The following MATN2 variants were observed in gnomAD, a reference collection of about 807,000 sequenced individuals.
The protein encoded by MATN2 is matrilin-2.
A neutral mutation model predicts 103.2 loss-of-function variants in MATN2; 69 were observed. That is an observed-to-expected ratio of 0.67 (90% confidence interval 0.55 to 0.82). The LOEUF is 0.82. Ranked by LOEUF, MATN2 falls within the 40% of genes least tolerant of loss-of-function variation. MATN2 has a pLI of 0.00. For synonymous variants in MATN2, 429 were observed against 450.2 expected, an observed-to-expected ratio of 0.95 and a Z score of 0.60; for missense variants, 1,023 against 1,211.5, an observed-to-expected ratio of 0.84 and a Z score of 2.31.
intron 2 of MATN2, among the ~76,000 whole-genome samples, chr8:97,904,255 G>C (rs1351113669): frequency 6.6e-6 from 1 of 152,160 alleles, no homozygotes; most frequent in Non-Finnish European, 1.5e-5. Context: ...AAATATGTTT[G>C]AAACTAATTT....
intron 3 of MATN2, among the ~76,000 whole-genome samples, chr8:97,940,734 G>A (rs1810524195): frequency 6.6e-6 from 1 of 152,114 alleles, no homozygotes; most frequent in Non-Finnish European, 1.5e-5. Context: ...ACTGTTGCTT[G>A]TTAATTTTAA....
intron 4 of MATN2, chr8:97,952,300 G>A (rs765186942): frequency 3.3e-5 from 5 of 152,220 alleles, no homozygotes; most frequent in Non-Finnish European, 5.9e-5. Flanking sequence ...GCTATAAAAA[G>A]TAGAGGGTGT....
At chr8:97,914,730 G>T (rs1246658985) in intron 2 of MATN2, among the ~76,000 whole-genome samples, 1 of 151,964 alleles carries the variant, frequency 6.6e-6, no homozygotes, top group Non-Finnish European at 1.5e-5. Flanking sequence ...TGTCCTTTAG[G>T]ACCCAGCCTT....
chr8:97,884,236 G>A (rs1284167014), intron 1 of MATN2, among the ~76,000 whole-genome samples: 2 of 151,516 alleles, frequency 1.3e-5, no homozygotes, highest in Admixed American at 6.6e-5. Flanking sequence ...CACCTTCCGG[G>A]TTTAATAAAT....
At chr8:97,973,047 T>C (rs1046400751) in intron 5 of MATN2, among the ~76,000 whole-genome samples, 1 of 152,162 alleles carries the variant, frequency 6.6e-6, no homozygotes, top group Non-Finnish European at 1.5e-5. Context: ...ACTTGGCAAA[T>C]AACATTAGAG....
At chr8:98,004,112 C>G in intron 8 of MATN2, 1 of 280,660 alleles carries the variant, frequency 3.6e-6, no homozygotes, top group Non-Finnish European at 7.2e-6. Flanking sequence ...CATGGTGAAA[C>G]CCTATCTCTA....
intron 15 of MATN2, chr8:98,031,469 C>T (rs891382586): frequency 6.6e-6 from 1 of 152,176 alleles, no homozygotes; most frequent in African/African-American, 2.4e-5. Context: ...ATGCTTCATC[C>T]TCACAAACAC....
chr8:98,020,434 C>T (rs1813546616), intron 12 of MATN2, among the ~76,000 whole-genome samples: 1 of 152,208 alleles, frequency 6.6e-6, no homozygotes, highest in South Asian at 2.1e-4. Flanking sequence ...GTGTGAACCA[C>T]CATGCCCAGC....
chr8:97,923,945 C>T (rs1007035776), intron 2 of MATN2, among the ~76,000 whole-genome samples: 1 of 152,198 alleles, frequency 6.6e-6, no homozygotes, highest in Non-Finnish European at 1.5e-5. Context: ...CTCCTATCTT[C>T]CCAGCTTACC....
chr8:98,021,036 C>CT, intron 12 of MATN2, 169 bp from the exon 13 acceptor site: 2 of 562,622 alleles, frequency 3.6e-6, no homozygotes, highest in South Asian at 4.2e-5. Flanking sequence ...CTGAGAGGAG[C>CT]TTTTTCCCCA....
chr8:97,946,769 G>A (rs1810764767), intron 4 of MATN2, among the ~76,000 whole-genome samples: 1 of 152,010 alleles, frequency 6.6e-6, no homozygotes, highest in Admixed American at 6.5e-5. Context: ...CTTCTCTCAA[G>A]AACGATACCA....
intron 5 of MATN2, among the ~76,000 whole-genome samples, chr8:97,972,338 C>CAAAAAAA (rs3076713): frequency 1.6e-5 from 2 of 126,876 alleles, no homozygotes; most frequent in African/African-American, 3.0e-5. Flanking sequence ...GACCCTGTCT[C>CAAAAAAA]AAAAAAAAAA....
intron 2 of MATN2, among the ~76,000 whole-genome samples, chr8:97,891,796 T>A (rs1818641392): frequency 6.6e-6 from 1 of 152,138 alleles, no homozygotes; most frequent in Non-Finnish European, 1.5e-5. Context: ...ACAAACTATA[T>A]ATGTATAAAA....
intron 3 of MATN2, among the ~76,000 whole-genome samples, chr8:97,940,335 T>C (rs1287251077): frequency 6.6e-6 from 1 of 152,198 alleles, no homozygotes; most frequent in African/African-American, 2.4e-5. Context: ...TAAAAGAAAC[T>C]TGTACAAGGT....
intron 17 of MATN2, 127 bp downstream of exon 17, chr8:98,033,303 G>A: frequency 1.1e-6 from 1 of 912,348 alleles, no homozygotes; most frequent in Non-Finnish European, 1.6e-6. Context: ...AGAGAAGAAA[G>A]AATTTAAGTA....
At chr8:98,022,543 TG>T (rs748848001) in intron 13 of MATN2, among the ~76,000 whole-genome samples, 2 of 152,122 alleles carry the variant, frequency 1.3e-5, no homozygotes, top group Non-Finnish European at 2.9e-5. Context: ...TGGGGATCTT[TG>T]TAGAAAAAAA....
intron 6 of MATN2, among the ~76,000 whole-genome samples, chr8:97,985,443 A>G (rs1348645887): frequency 5.3e-5 from 8 of 152,198 alleles, no homozygotes; most frequent in Non-Finnish European, 1.0e-4. Flanking sequence ...GCAGATATGC[A>G]CACCTGAAGC....
At chr8:97,939,572 C>T (rs1277649726) in intron 3 of MATN2, among the ~76,000 whole-genome samples, 1 of 152,062 alleles carries the variant, frequency 6.6e-6, no homozygotes, top group Non-Finnish European at 1.5e-5. Flanking sequence ...ATCACTGGAG[C>T]CCCGGAGATT....
intron 2 of MATN2, among the ~76,000 whole-genome samples, chr8:97,914,308 C>T (rs1161729966): frequency 3.4e-5 from 5 of 147,036 alleles, no homozygotes; most frequent in Non-Finnish European, 7.4e-5. Context: ...ATAGGAAGGG[C>T]ACATCTAAAA....
Sources: allele counts gnomAD v4.1 joint callset (sites outside exome capture counted in the v4.1 genomes callset), GRCh38; gene constraint gnomAD v4.1.1; transcripts MANE v1.5; gene names NCBI Gene and HGNC (gene_info 2026-07-23, HGNC 2026-07-21).